The following TECTB variants were observed in gnomAD, a reference collection of about 807,000 sequenced individuals.
TECTB encodes the protein tectorin beta.
A neutral mutation model predicts 43.3 loss-of-function variants in TECTB; 45 were observed. That is an observed-to-expected ratio of 1.04 (90% CI 0.82 to 1.33). The LOEUF (loss-of-function observed/expected upper bound fraction) is 1.33, where lower values mean the gene tolerates loss of function less well. Among genes scored for constraint, TECTB ranks in the 40% most tolerant of loss-of-function variants. TECTB has a pLI of 0.00. For synonymous variants in TECTB, 169 were observed against 156.7 expected (o/e 1.08, Z -0.59); for missense variants, 399 against 404.7 (o/e 0.99, Z 0.12).
At chr10:112,299,652 C>T in intron 9 of TECTB, 88 bp downstream of exon 9, 1 of 1,462,000 alleles carries the variant, frequency 6.8e-7, no homozygotes, top group Non-Finnish European at 9.5e-7. Context: ...AGCATTTTTA[C>T]TGAATTGCCA....
intron 7 of TECTB, 98 bp downstream of exon 7, chr10:112,294,159 G>C (rs925469445): frequency 6.2e-5 from 65 of 1,043,528 alleles, no homozygotes; most frequent in Non-Finnish European, 8.9e-5. Context: ...AAGAGGTGAA[G>C]CCTGCTGGAG....
intron 9 of TECTB, among the ~76,000 whole-genome samples, chr10:112,301,240 C>T (rs1407779512): frequency 1.3e-5 from 2 of 152,006 alleles, no homozygotes; most frequent in African/African-American, 4.8e-5. Context: ...CTGGCCCTGT[C>T]CCTACTAGAA....
intron 7 of TECTB, 30 bp from the exon 8 acceptor site, chr10:112,298,039 A>G (rs775556981): frequency 6.2e-7 from 1 of 1,613,650 alleles, no homozygotes; most frequent in East Asian, 2.2e-5. Flanking sequence ...AGGAGATGAC[A>G]GTTCACTCTT....
intron 5 of TECTB, among the ~76,000 whole-genome samples, chr10:112,292,187 T>C (rs1335978964): frequency 2.0e-5 from 3 of 150,708 alleles, no homozygotes. Flanking sequence ...CAGTTCAAGA[T>C]TGTTACTAGG....
chr10:112,302,149 A>T lies in TECTB; in HGVS notation c.940+16A>T, dbSNP rs185314722. 10,375 of 1,613,874 alleles carry T rather than the reference A, an allele frequency of 6.4e-3. 48 individuals carry two copies. The highest frequency in any genetic ancestry group is 0.012 in the South Asian group (1,055 of 91,024). Reference sequence around the variant, plus strand: ...AGCTTCTCAGGTAAGGAAAAGAGACACTTCTGGGATTTCGTGGGGCTATGC... The same window carrying T: ...AGCTTCTCAGGTAAGGAAAAGAGACTCTTCTGGGATTTCGTGGGGCTATGC... On this transcript the variant is annotated intron_variant, in intron 10 of 10. Transcript: ENST00000646139.
At chr10:112,299,779 T>C in intron 9 of TECTB, 2 of 545,768 alleles carry the variant, frequency 3.7e-6, no homozygotes, top group Non-Finnish European at 3.3e-6. Context: ...CTGAAAGTTC[T>C]AACTGCACCC....
At chr10:112,303,089 G>T in intron 10 of TECTB, 174 bp from the exon 11 acceptor site, 1 of 684,254 alleles carries the variant, frequency 1.5e-6, no homozygotes, top group South Asian at 1.9e-5. Context: ...TTATCTGTCA[G>T]GTTCTTTGTA....
At chr10:112,300,265 A>AG (rs1296443670) in intron 9 of TECTB, among the ~76,000 whole-genome samples, 5 of 37,712 alleles carry the variant, frequency 1.3e-4, no homozygotes, top group African/African-American at 3.6e-4. Flanking sequence ...AAAGAAAGAA[A>AG]GAAAGAAAGA....
chr10:112,299,536 A>T lies in TECTB; in HGVS notation c.879A>T (p.Gly293=), dbSNP rs1848578076. 1 of 1,613,892 alleles carries T rather than the reference A, an allele frequency of 6.2e-7. No homozygotes were observed. The highest frequency in any genetic ancestry group is 1.3e-5 in the African/African-American group (1 of 74,844). The part of the protein sequence containing the change: ...RKRLLRDQTG[G]VLVVELSLRS... ...GCCTCCTGCGAGACCAGACCGGGGG[A>T]GTCCTGGTCGTGGAGCTCTCCCTGC... is the stretch of plus-strand genomic sequence containing the variant. Residue 293 remains glycine (G), a synonymous_variant, in exon 9 of 11, where the codon GGA becomes GGT. Transcript: ENST00000646139.
At chr10:112,298,746 G>A (rs1252583117) in intron 8 of TECTB, among the ~76,000 whole-genome samples, 1 of 152,178 alleles carries the variant, frequency 6.6e-6, no homozygotes, top group Non-Finnish European at 1.5e-5. Flanking sequence ...ATTTGACCAC[G>A]TGAGAGGAAG....
rs1848459875 is a variant in TECTB, at chr10:112,286,940, A to C, written c.483+549A>C. 2.0e-5 allele frequency among the ~76,000 whole-genome samples: 3 copies of C among 152,136 alleles called. No homozygotes were observed. The South Asian group carries it at 6.2e-4, about 32-fold the overall frequency. On this transcript the variant is annotated intron_variant, in intron 5 of 10. Coordinates refer to ENST00000646139, the MANE Select transcript of TECTB (RefSeq NM_058222.3). ...TCCATCTCAAAAAACAAAAATAAAAACAAAAAAACCAATCTTCCGCAAAGA... is the reference window on the plus strand; with the variant it reads ...TCCATCTCAAAAAACAAAAATAAAACCAAAAAAACCAATCTTCCGCAAAGA...
At position 112,283,759 on chromosome 10, in the gene TECTB, T is replaced by C. The variant is rs766101295; in HGVS notation, c.25T>C (p.Leu9=). The change falls in exon 2 of 11, where the codon TTG becomes CTG. Residue 9 remains leucine (L), a synonymous_variant. Transcript: ENST00000646139. MVTKAFVL[L]AIFAEASAKS... ...AATGGTGACGAAGGCCTTTGTCTTG[T>C]TGGCCATCTTTGCAGAAGCCTCTGC... The C allele has an allele frequency of 1.4e-5, 22 of 1,613,858 alleles. No homozygotes were observed. Among genetic ancestry groups the C allele is most frequent in the Non-Finnish European group, 1.6e-5 (19 of 1,179,940 alleles).
At chr10:112,295,457 T>C (rs935879462) in intron 7 of TECTB, among the ~76,000 whole-genome samples, 8 of 152,166 alleles carry the variant, frequency 5.3e-5, no homozygotes, top group African/African-American at 1.9e-4. Context: ...GCCCAAGATA[T>C]GGAGCTAGTA....
At chr10:112,302,792 A>G in intron 10 of TECTB, 1 of 174,846 alleles carries the variant, frequency 5.7e-6, no homozygotes. Flanking sequence ...GACGTGATTT[A>G]GAGAGCAGCC....
At chr10:112,297,989 C>A (rs1848563310) in intron 7 of TECTB, 80 bp from the exon 8 acceptor site, 1 of 1,592,606 alleles carries the variant, frequency 6.3e-7, no homozygotes, top group Non-Finnish European at 8.6e-7. Flanking sequence ...ACCTCGGGAG[C>A]CTTGTGTGTA....
In TECTB at chr10:112,283,508, A is replaced by T. The variant is rs1027285867; in HGVS notation, c.-88+12A>T. 1.8e-6 allele frequency: 1 copy of T among 543,886 alleles called. No individual in the cohort carries two copies. The highest frequency in any genetic ancestry group is 1.9e-5 in the African/African-American group (1 of 51,922). 33.7% of individuals were successfully genotyped at this position (543,886 alleles called of 1,614,324 possible). A position where few individuals can be genotyped will look rare whatever the true frequency, so the allele number is the denominator to read the frequency against. On this transcript the variant is annotated intron_variant, in intron 1 of 10. Coordinates refer to ENST00000646139, the MANE Select transcript of TECTB (RefSeq NM_058222.3). The stretch of plus-strand genomic sequence containing the variant: ...TGACGCTTCCAACGGTATGAGCCCC[A>T]CTTTTTGCCTCTCAGCGCTAACAGG...
chr10:112,298,187 T>C lies in TECTB; in HGVS notation c.790T>C (p.Cys264Arg). The C allele has an allele frequency of 6.2e-7, 1 of 1,614,210 alleles. No homozygotes were observed. Among genetic ancestry groups the C allele is most frequent in the Non-Finnish European group, 8.5e-7 (1 of 1,180,028 alleles). Reference protein sequence around the residue: ...IPKLSKVWLHCETFICDSEKL... With the variant: ...IPKLSKVWLHRETFICDSEKL... Reference sequence around the variant, plus strand: ...CAAACTCTCCAAGGTGTGGTTACACTGTGAGACGTTCATCTGCGACAGTGA... The same window carrying C: ...CAAACTCTCCAAGGTGTGGTTACACCGTGAGACGTTCATCTGCGACAGTGA... Residue 264 changes from cysteine to arginine, a missense_variant, in exon 8 of 11, where the codon TGT becomes CGT. Coordinates refer to ENST00000646139, the MANE Select transcript of TECTB (RefSeq NM_058222.3).
In TECTB at chr10:112,293,761, A is replaced by C; in HGVS notation, c.507A>C (p.Lys169Asn). The C allele has an allele frequency of 1.2e-6, 2 of 1,614,214 alleles. No individual in the cohort carries two copies. Among genetic ancestry groups the C allele is most frequent in the Non-Finnish European group, 1.7e-6 (2 of 1,180,038 alleles). The change falls in exon 6 of 11, where the codon AAA (lysine) becomes AAC (asparagine). Residue 169 changes from lysine (K) to asparagine (N), a missense_variant. Lys to Asn is a moderately conservative substitution (Grantham distance 94, BLOSUM62 0). Coordinates refer to ENST00000646139, the MANE Select transcript of TECTB (RefSeq NM_058222.3). Reference sequence around the variant, plus strand: ...AGAATGCCAAGTTCTCCATCAAGAAAGAAGCTCCCTTTGTCCTGGAGGCAT... The same window carrying C: ...AGAATGCCAAGTTCTCCATCAAGAACGAAGCTCCCTTTGTCCTGGAGGCAT... ...FYTNAKFSIK[K>N]EAPFVLEASE...
rs1480431404 is a variant in TECTB at position 112,303,400 on chromosome 10, C to T, written c.*88C>T. On this transcript the variant is annotated 3_prime_UTR_variant, in exon 11 of 11. Transcript: ENST00000646139. Reference sequence around the variant, plus strand: ...TTATTGTGCTGCCAAAAAGAACAAACAGAAGACCACATTGTTGGGGGGCAG... The same window carrying T: ...TTATTGTGCTGCCAAAAAGAACAAATAGAAGACCACATTGTTGGGGGGCAG... 1.3e-6 allele frequency: 2 copies of T among 1,511,824 alleles called. No individual in the cohort carries two copies. The highest frequency in any genetic ancestry group is 2.7e-5 in the African/African-American group (2 of 72,790). 93.7% of individuals were successfully genotyped at this position (1,511,824 alleles called of 1,614,324 possible).
Sources: allele counts gnomAD v4.1 joint callset (sites outside exome capture counted in the v4.1 genomes callset), GRCh38; gene constraint gnomAD v4.1.1; transcripts MANE v1.5; gene names NCBI Gene and HGNC (gene_info 2026-07-23, HGNC 2026-07-21).